ZNF827: variants seen among roughly 807,000 people sequenced by gnomAD.
ZNF827 encodes zinc finger protein 827.
A neutral mutation model predicts 102.4 loss-of-function variants in ZNF827; 13 were observed. The observed-to-expected ratio is 0.13, with a 90% confidence interval of 0.08 to 0.20. The LOEUF is 0.20. Ranked by LOEUF, ZNF827 falls within the 10% of genes least tolerant of loss-of-function variation. The pLI is 1.00. For missense variants in ZNF827, 1,103 were observed against 1,344.4 expected (o/e 0.82, Z 2.81); for synonymous variants, 523 against 536.2 (o/e 0.98, Z 0.34).
At chr4:145,802,173 C>A (rs942390780) in intron 8 of ZNF827, among the ~76,000 whole-genome samples, 91 of 152,182 alleles carry the variant, frequency 6.0e-4, no homozygotes, top group African/African-American at 2.1e-3. Context: ...AAAATTTCTT[C>A]TCTTTCCTCC....
chr4:145,916,512 G>A (rs1752678110), intron 1 of ZNF827, among the ~76,000 whole-genome samples: 1 of 152,164 alleles, frequency 6.6e-6, no homozygotes, highest in Non-Finnish European at 1.5e-5. Context: ...GGCCTGTGAT[G>A]GAAGGGGAGC....
chr4:145,938,636 TTTA>T lies in ZNF827; in HGVS notation c.-232_-230del. On this transcript the variant is annotated 5_prime_UTR_variant, in exon 1 of 15. Coordinates refer to ENST00000508784, the MANE Select transcript of ZNF827 (RefSeq NM_001306215.2). ...TTTCTTTTTTCCTTTTTTTTTTTTT[TTTA>T]AATTTTTGGTCGTGCACCTGGCTTG... 3 of 553,996 alleles carry T rather than the reference TTTA, an allele frequency of 5.4e-6. No homozygotes were observed. The highest frequency in any genetic ancestry group is 2.9e-5 in the East Asian group (1 of 34,256). 34.3% of individuals were successfully genotyped at this position (553,996 alleles called of 1,614,324 possible).
chr4:145,816,451 A>G (rs1005696950), intron 8 of ZNF827, among the ~76,000 whole-genome samples: 8 of 152,220 alleles, frequency 5.3e-5, no homozygotes, highest in African/African-American at 1.7e-4. Context: ...TAGTGTGTGA[A>G]CCTATAAATG....
At chr4:145,881,281 AAAGT>A (rs1265389741) in intron 4 of ZNF827, among the ~76,000 whole-genome samples, 2 of 152,242 alleles carry the variant, frequency 1.3e-5, no homozygotes, top group Admixed American at 6.5e-5. Flanking sequence ...TGTGAGGCTA[AAAGT>A]AAGTTAGTGC....
chr4:145,825,884 A>T (rs142293077), intron 7 of ZNF827, among the ~76,000 whole-genome samples: 379 of 152,294 alleles, frequency 2.5e-3, no homozygotes, highest in African/African-American at 8.4e-3. Context: ...AAAAGAAAAG[A>T]TTTCTTCTGA....
chr4:145,856,659 T>G (rs13117961), intron 5 of ZNF827, among the ~76,000 whole-genome samples: 5,086 of 149,394 alleles, frequency 0.034, 111 homozygotes, highest in Non-Finnish European at 0.05. Flanking sequence ...CAGAAAACCA[T>G]ACAATGACCT....
chr4:145,848,862 T>C (rs1169711969), intron 6 of ZNF827, among the ~76,000 whole-genome samples: 3 of 152,264 alleles, frequency 2.0e-5, no homozygotes, highest in Admixed American at 1.3e-4. Flanking sequence ...TCTTTTGCTT[T>C]TCCCTTCTTT....
intron 5 of ZNF827, among the ~76,000 whole-genome samples, chr4:145,850,175 A>G (rs1479242715): frequency 6.6e-6 from 1 of 151,900 alleles, no homozygotes; most frequent in Non-Finnish European, 1.5e-5. Context: ...ATATTCGGCT[A>G]ATTTTTGTAT....
At chr4:145,857,876 A>G (rs528068277) in intron 5 of ZNF827, among the ~76,000 whole-genome samples, 2 of 152,298 alleles carry the variant, frequency 1.3e-5, no homozygotes, top group Non-Finnish European at 1.5e-5. Flanking sequence ...AACATTCCAA[A>G]TGATCTCATT....
rs1429783657 is a variant in ZNF827 at position 145,760,722 on chromosome 4, T to G, written c.*894A>C. On this transcript the variant is annotated 3_prime_UTR_variant, in exon 15 of 15. Transcript: ENST00000508784. ...TGGGGTTGTGTTTAAGTTTTGTGGTTTTTTTTTTTTTTTTTGTCTTTTGTC... is the reference window on the plus strand; with the variant it reads ...TGGGGTTGTGTTTAAGTTTTGTGGTGTTTTTTTTTTTTTTTGTCTTTTGTC... 55 of 155,454 alleles carry G rather than the reference T, an allele frequency of 3.5e-4. No individual in the cohort carries two copies. The Admixed American group carries it at 6.8e-3, about 19-fold the overall frequency. The allele number at this position is 155,454 out of a possible 1,614,324, so 9.6% of individuals were successfully genotyped here.
intron 8 of ZNF827, among the ~76,000 whole-genome samples, chr4:145,795,863 A>T (rs938975032): frequency 1.3e-5 from 2 of 152,240 alleles, no homozygotes; most frequent in Admixed American, 6.5e-5. Flanking sequence ...TAAGGCTTCT[A>T]ATTCCTTTTG....
At chr4:145,813,590 C>T (rs1358616288) in intron 8 of ZNF827, among the ~76,000 whole-genome samples, 2 of 152,096 alleles carry the variant, frequency 1.3e-5, no homozygotes, top group South Asian at 2.1e-4. Flanking sequence ...TTATAAAAGG[C>T]TTTATTGTAC....
rs1735077373 is a variant in ZNF827, at chr4:145,765,068, A to G, written c.3150T>C (p.Asp1050=). The stretch of plus-strand genomic sequence containing the variant: ...GGGTCTTCATGAACTTGTGGCACAC[A>G]TCACACTCAAACATCCGGGTGATGA... The part of the protein sequence containing the change: ...IHLITRMFEC[D]VCHKFMKTPE... The change falls in exon 13 of 15, where the codon GAT becomes GAC. Residue 1050 remains aspartate (D), a synonymous_variant. Coordinates refer to ENST00000508784, the MANE Select transcript of ZNF827 (RefSeq NM_001306215.2). The surrounding 1 kb of genome is among the most constrained non-coding windows in gnomAD (Gnocchi z 4.7). 2 of 1,614,150 alleles carry G rather than the reference A, an allele frequency of 1.2e-6. No homozygotes were observed. The highest frequency in any genetic ancestry group is 1.6e-4 in the Middle Eastern group (1 of 6,084).
At chr4:145,778,627 C>T (rs1180575321) in intron 9 of ZNF827, among the ~76,000 whole-genome samples, 1 of 152,058 alleles carries the variant, frequency 6.6e-6, no homozygotes, top group Non-Finnish European at 1.5e-5. Flanking sequence ...AAAAAAAAGA[C>T]AAAATTAATC....
intron 11 of ZNF827, among the ~76,000 whole-genome samples, chr4:145,772,125 C>A (rs181970447): frequency 1.3e-5 from 2 of 152,290 alleles, no homozygotes; most frequent in East Asian, 3.9e-4. Flanking sequence ...AAGGTTCAAG[C>A]AAGGGCCACA....
chr4:145,895,279 T>C (rs891205183), intron 2 of ZNF827, among the ~76,000 whole-genome samples: 4 of 152,238 alleles, frequency 2.6e-5, no homozygotes, highest in Non-Finnish European at 4.4e-5. Flanking sequence ...CCAATGCGTT[T>C]CCTATTCTTT....
At chr4:145,786,074 T>G (rs1459758181) in intron 8 of ZNF827, among the ~76,000 whole-genome samples, 1 of 152,192 alleles carries the variant, frequency 6.6e-6, no homozygotes, top group Non-Finnish European at 1.5e-5. Flanking sequence ...TGAAGAAAGT[T>G]CCCTTGAACC....
At chr4:145,884,241 C>A (rs557202563) in intron 4 of ZNF827, among the ~76,000 whole-genome samples, 206 of 152,256 alleles carry the variant, frequency 1.4e-3, no homozygotes, top group African/African-American at 4.7e-3. Flanking sequence ...TACCTTTCCT[C>A]ATTTCTTCCA....
chr4:145,802,105 T>A (rs558520989), intron 8 of ZNF827, among the ~76,000 whole-genome samples: 1 of 152,358 alleles, frequency 6.6e-6, no homozygotes, highest in South Asian at 2.1e-4. Flanking sequence ...AACTAAAGAC[T>A]TGTTTCAGAT....
Sources: gnomAD v4.1 joint callset for allele counts (sites outside exome capture counted in the v4.1 genomes callset) on GRCh38, gnomAD v4.1.1 for gene constraint, Gnocchi (gnomAD v3.1) non-coding constraint, MANE v1.5 for transcripts, NCBI Gene and HGNC (gene_info 2026-07-23, HGNC 2026-07-21) for gene names.